DENND2A: variants seen among roughly 807,000 people sequenced by gnomAD.
DENND2A encodes the protein DENN domain-containing protein 2A.
Under a neutral mutation model 105.3 loss-of-function variants are expected in DENND2A, and 53 were observed. The observed-to-expected ratio is 0.50, with a 90% CI of 0.40 to 0.63. DENND2A has a LOEUF of 0.63. Ranked by LOEUF, DENND2A falls within the 30% of genes least tolerant of loss-of-function variation. The pLI is 0.00. For missense variants in DENND2A, 1,138 were observed against 1,279.6 expected (o/e 0.89, Z 1.69); for synonymous variants, 522 against 508.4 (o/e 1.03, Z -0.36).
chr7:140,524,012 T>C (rs149587455), intron 16 of DENND2A, among the ~76,000 whole-genome samples: 4 of 152,254 alleles, frequency 2.6e-5, no homozygotes, highest in Admixed American at 6.5e-5. Context: ...GGATACTCAA[T>C]AGATGATTTC....
chr7:140,606,028 T>A (rs1799674940), intron 1 of DENND2A, among the ~76,000 whole-genome samples: 1 of 152,140 alleles, frequency 6.6e-6, no homozygotes, highest in Admixed American at 6.5e-5. Flanking sequence ...AACCTCTTTG[T>A]ATATATCTTT....
chr7:140,527,234 C>T lies in DENND2A; in HGVS notation c.2505+84G>A, dbSNP rs910086829. On this transcript the variant is annotated intron_variant, in intron 15 of 19. Transcript: ENST00000496613. This position sits in a 1 kb window ranked among gnomAD's most constrained non-coding sequence, Gnocchi z 4.9. ...CCCCAACACTGCTGGCTCTGAGAAC[C>T]GCTCCATGATGCCTGCAGAGCCAGC... The T allele has an allele frequency of 1.1e-5, 16 of 1,400,138 alleles. No homozygotes were observed. Among genetic ancestry groups the T allele is most frequent in the Middle Eastern group, 2.6e-4 (1 of 3,864 alleles). The allele number at this position is 1,400,138 out of a possible 1,614,324, so 86.7% of individuals were successfully genotyped here. A position where few individuals can be genotyped will look rare whatever the true frequency, so the allele number is the denominator to read the frequency against.
chr7:140,531,851 C>T (rs1796283540), intron 14 of DENND2A, among the ~76,000 whole-genome samples: 1 of 149,598 alleles, frequency 6.7e-6, no homozygotes, highest in African/African-American at 2.5e-5. Flanking sequence ...AACAAAACAA[C>T]TATCTGTGTG....
rs1795937471 is a variant in DENND2A, at chr7:140,523,524, C to T, written c.2548-100G>A. On this transcript the variant is annotated intron_variant, in intron 16 of 19. Coordinates refer to ENST00000496613, the MANE Select transcript of DENND2A (RefSeq NM_015689.5). This position sits in a 1 kb window ranked among gnomAD's most constrained non-coding sequence, Gnocchi z 4.5. ...TGCAGGGCAGGCCTGGCTCAGTCTC[C>T]AGTTTCATGGAAGGAATACAACTGA... The T allele has an allele frequency of 1.0e-6, 1 of 982,002 alleles. No individual in the cohort carries two copies. Among genetic ancestry groups the T allele is most frequent in the South Asian group, 1.4e-5 (1 of 72,664 alleles). The allele number at this position is 982,002 out of a possible 1,614,324, so 60.8% of individuals were successfully genotyped here.
rs759205075 is a variant in DENND2A, at chr7:140,559,830, A to G, written c.1780-13T>C. On this transcript the variant is annotated splice_polypyrimidine_tract_variant and intron_variant, in intron 9 of 19. Transcript: ENST00000496613. This position sits in a 1 kb window ranked among gnomAD's most constrained non-coding sequence, Gnocchi z 4.1. ...AAGACCTTTCCAACTGCAGGGAGAAAGGTGAGAGAAAATTCGAGAACAAAT... is the reference window on the plus strand; with the variant it reads ...AAGACCTTTCCAACTGCAGGGAGAAGGGTGAGAGAAAATTCGAGAACAAAT... 111 of 1,595,072 alleles carry G rather than the reference A, an allele frequency of 7.0e-5. No homozygotes were observed. The highest frequency in any genetic ancestry group is 8.9e-5 in the Non-Finnish European group (104 of 1,162,886).
chr7:140,543,238 C>T (rs1400953024), intron 14 of DENND2A, among the ~76,000 whole-genome samples: 2 of 150,668 alleles, frequency 1.3e-5, no homozygotes, highest in African/African-American at 4.9e-5. Context: ...CCTACCTCAG[C>T]TTCCCTAGTA....
At chr7:140,568,900 G>A (rs1041921220) in intron 7 of DENND2A, 87 bp from the exon 8 acceptor site, 96 of 1,348,086 alleles carry the variant, frequency 7.1e-5, no homozygotes, top group East Asian at 1.2e-4. Flanking sequence ...CAGATCAAAT[G>A]TTCTAATTCA....
rs1408229837 is a variant in DENND2A, at chr7:140,640,647, C to T, written c.-391G>A. 1 of 148,130 alleles carries T rather than the reference C, an allele frequency of 6.8e-6. No homozygotes were observed. Among genetic ancestry groups the T allele is most frequent in the Non-Finnish European group, 1.5e-5 (1 of 66,418 alleles). 9.2% of individuals were successfully genotyped at this position (148,130 alleles called of 1,614,324 possible). Reference sequence around the variant, plus strand: ...GCCCTCCGCCCTCCGCCCCTTTGTCCGCCGAGCCTCCCCCGGCCGCCCGCA... The same window carrying T: ...GCCCTCCGCCCTCCGCCCCTTTGTCTGCCGAGCCTCCCCCGGCCGCCCGCA... On this transcript the variant is annotated 5_prime_UTR_variant, in exon 1 of 20. Coordinates refer to ENST00000496613, the MANE Select transcript of DENND2A (RefSeq NM_015689.5). This position sits in a 1 kb window ranked among gnomAD's most constrained non-coding sequence, Gnocchi z 4.9.
At chr7:140,554,633 C>T (rs1435155600) in intron 12 of DENND2A, among the ~76,000 whole-genome samples, 1 of 151,752 alleles carries the variant, frequency 6.6e-6, no homozygotes, top group South Asian at 2.1e-4. Context: ...GAGACTCTGT[C>T]TCAAAAAAAG....
intron 14 of DENND2A, among the ~76,000 whole-genome samples, chr7:140,537,268 A>G (rs1796485114): frequency 6.6e-6 from 1 of 152,208 alleles, no homozygotes; most frequent in Non-Finnish European, 1.5e-5. Flanking sequence ...AAATAAGAGG[A>G]TGAAAGTGCA....
chr7:140,600,933 C>T (rs1357350283), intron 3 of DENND2A, among the ~76,000 whole-genome samples: 2 of 152,078 alleles, frequency 1.3e-5, no homozygotes, highest in African/African-American at 4.8e-5. Context: ...GTGCGTGCAT[C>T]CATATGTATA....
At chr7:140,524,093 G>C (rs1371237301) in intron 16 of DENND2A, among the ~76,000 whole-genome samples, 1 of 152,130 alleles carries the variant, frequency 6.6e-6, no homozygotes, top group Non-Finnish European at 1.5e-5. Flanking sequence ...CAGATGGCCT[G>C]TGTGATCTAA....
intron 3 of DENND2A, among the ~76,000 whole-genome samples, chr7:140,597,981 T>C (rs1262411923): frequency 6.6e-6 from 1 of 151,786 alleles, no homozygotes; most frequent in Non-Finnish European, 1.5e-5. Context: ...TCAAACCTAG[T>C]AAAGATAGTG....
At chr7:140,544,539 G>A (rs1225288890) in intron 14 of DENND2A, 79 bp downstream of exon 14, 4 of 1,580,008 alleles carry the variant, frequency 2.5e-6, no homozygotes, top group East Asian at 2.2e-5. Context: ...AATGCTAGGC[G>A]GTCACCTGCT....
intron 3 of DENND2A, among the ~76,000 whole-genome samples, chr7:140,595,232 C>T (rs112764628): frequency 1.3e-5 from 2 of 152,016 alleles, no homozygotes; most frequent in Middle Eastern, 3.2e-3. Context: ...GTCTCAAACT[C>T]CTGACCTCAA....
In DENND2A at chr7:140,567,234, T is replaced by C; in HGVS notation, c.1631A>G (p.Lys544Arg). 7 of 1,611,484 alleles carry C rather than the reference T, an allele frequency of 4.3e-6. No individual in the cohort carries two copies. The highest frequency in any genetic ancestry group is 5.9e-6 in the Non-Finnish European group (7 of 1,179,308). The change falls in exon 9 of 20, where the codon AAG becomes AGG. Residue 544 changes from lysine to arginine, a missense_variant. By Grantham distance (26) the Lys-to-Arg change is conservative. Transcript: ENST00000496613. ...AAGTGATGGGTACCGAGGCGCCTGC[T>C]TCAGCCGGGACTTCACGTTGACCAG... ...QRLVNVKSRL[K>R]QAPRYPSLAR...
At chr7:140,615,754 C>T (rs1161941465) in intron 1 of DENND2A, among the ~76,000 whole-genome samples, 5 of 150,820 alleles carry the variant, frequency 3.3e-5, no homozygotes, top group South Asian at 2.1e-4. Flanking sequence ...GGTTTTGCCA[C>T]GTTGGCCAGG....
intron 12 of DENND2A, among the ~76,000 whole-genome samples, chr7:140,550,062 C>T (rs77013992): frequency 0.041 from 5,977 of 147,056 alleles, 409 homozygotes; most frequent in African/African-American, 0.14. Context: ...CTGTAACATT[C>T]CTAGAATCCT....
chr7:140,591,651 CT>C (rs1209083808), intron 3 of DENND2A, among the ~76,000 whole-genome samples: 2 of 150,220 alleles, frequency 1.3e-5, no homozygotes, highest in Non-Finnish European at 2.9e-5. Flanking sequence ...CCCTCCCTTC[CT>C]TCCTTTCTTT....
Sources: allele counts gnomAD v4.1 joint callset (sites outside exome capture counted in the v4.1 genomes callset), GRCh38; gene constraint gnomAD v4.1.1; non-coding constraint Gnocchi (gnomAD v3.1); transcripts MANE v1.5; gene names NCBI Gene and HGNC (gene_info 2026-07-23, HGNC 2026-07-21).